Variants in ARHGEF2 observed in about 807,000 individuals in gnomAD.
ARHGEF2 encodes rho guanine nucleotide exchange factor 2.
Under a neutral mutation model 121.0 loss-of-function variants are expected in ARHGEF2, and 22 were observed. The ratio of observed to expected loss-of-function variants is 0.18; its 90% CI spans 0.13 to 0.26. The LOEUF is 0.26. Ranked by LOEUF, ARHGEF2 falls within the 10% of genes least tolerant of loss-of-function variation. The pLI, the probability that ARHGEF2 is intolerant of heterozygous loss-of-function variation, is 1.00. For synonymous variants in ARHGEF2, 487 were observed against 530.0 expected (o/e 0.92, Z 1.11); for missense variants, 907 against 1,336.0 (o/e 0.68, Z 5.01).
Position 155,950,494 on chromosome 1 carries a change from G to C in ARHGEF2, c.2704-12C>G. ...GTGCCTCGGCTGGGCTGTGGACAGT[G>C]GGCAGGAAGAACAGCAGGTCAGGGA... On this transcript the variant is annotated splice_polypyrimidine_tract_variant and intron_variant, in intron 20 of 21. Transcript: ENST00000361247. The surrounding 1 kb of genome is among the most constrained non-coding windows in gnomAD (Gnocchi z 5.2). 6.2e-7 allele frequency: 1 copy of C among 1,612,540 alleles called. No individual in the cohort carries two copies. Among genetic ancestry groups the C allele is most frequent in the Non-Finnish European group, 8.5e-7 (1 of 1,179,508 alleles).
intron 14 of ARHGEF2, among the ~76,000 whole-genome samples, chr1:155,954,577 C>A (rs944893986): frequency 1.4e-5 from 2 of 139,348 alleles, no homozygotes; most frequent in African/African-American, 2.5e-5. Flanking sequence ...CGTGAGCCAC[C>A]GCGCCCGGCC....
Position 155,965,871 on chromosome 1 carries a change from C to A in ARHGEF2, c.341-111G>T, listed in dbSNP as rs1268908895. The A allele has an allele frequency of 8.5e-6, 11 of 1,300,264 alleles. No individual in the cohort carries two copies. The highest frequency in any genetic ancestry group is 7.5e-5 in the African/African-American group (5 of 66,768). 80.5% of individuals were successfully genotyped at this position (1,300,264 alleles called of 1,614,324 possible). On this transcript the variant is annotated intron_variant, in intron 4 of 21. Coordinates refer to ENST00000361247, the MANE Select transcript of ARHGEF2 (RefSeq NM_001162383.2). The surrounding 1 kb of genome is among the most constrained non-coding windows in gnomAD (Gnocchi z 6.0). ...GAGGCATCCTCTCACTCCACCTCAG[C>A]CCCTCTAGTCAAGAAAGATGGTAAT...
chr1:155,973,168 A>G (rs561595715), intron 1 of ARHGEF2, among the ~76,000 whole-genome samples: 54 of 152,326 alleles, frequency 3.5e-4, no homozygotes, highest in African/African-American at 1.3e-3. Flanking sequence ...AAAATGAAAG[A>G]AAAGGAAGGA....
chr1:155,962,017 G>A lies in ARHGEF2; in HGVS notation c.1219+88C>T, dbSNP rs529027367. ...AGAGGCTGCCCAGGGTTTCACACCC[G>A]ACCCCACCCTTCCTGTGGTCATACC... On this transcript the variant is annotated intron_variant, in intron 10 of 21. Coordinates refer to ENST00000361247, the MANE Select transcript of ARHGEF2 (RefSeq NM_001162383.2). This position sits in a 1 kb window ranked among gnomAD's most constrained non-coding sequence, Gnocchi z 5.8. The A allele has an allele frequency of 9.4e-6, 15 of 1,601,022 alleles. No homozygotes were observed. In the African/African-American group the frequency reaches 1.6e-4, roughly 17 times the overall value.
At chr1:155,968,284 C>T (rs552178973) in intron 2 of ARHGEF2, 3 of 151,692 alleles carry the variant, frequency 2.0e-5, no homozygotes, top group African/African-American at 4.8e-5. Flanking sequence ...GAAGGGGACC[C>T]GAGCGGGTTG....
chr1:155,967,838 A>G (rs1006621562), intron 2 of ARHGEF2, among the ~76,000 whole-genome samples: 2 of 151,956 alleles, frequency 1.3e-5, no homozygotes, highest in African/African-American at 4.8e-5. Flanking sequence ...TCCCCCATCC[A>G]ACAACACCGG....
At chr1:155,972,818 C>T (rs1680704094) in intron 1 of ARHGEF2, among the ~76,000 whole-genome samples, 1 of 151,896 alleles carries the variant, frequency 6.6e-6, no homozygotes, top group African/African-American at 2.4e-5. Context: ...CCTTCCACCT[C>T]AGCCCTCCAA....
chr1:155,959,465 C>G (rs1383231328), intron 11 of ARHGEF2, among the ~76,000 whole-genome samples: 4 of 152,138 alleles, frequency 2.6e-5, no homozygotes, highest in Non-Finnish European at 1.5e-5. Context: ...CCAGGCTGGT[C>G]TCTAACTCCT....
chr1:155,952,368 A>G (rs1675666226), intron 15 of ARHGEF2, 133 bp from the exon 16 acceptor site: 12 of 1,321,130 alleles, frequency 9.1e-6, no homozygotes, highest in South Asian at 5.4e-5. Context: ...TTTCACTCAC[A>G]CAACCACTGA....
intron 1 of ARHGEF2, chr1:155,970,941 T>A: frequency 3.0e-6 from 3 of 986,522 alleles, no homozygotes; most frequent in Non-Finnish European, 3.6e-6. Flanking sequence ...CATCCATTTT[T>A]CGCATCCTCC....
chr1:155,964,915 A>G, intron 7 of ARHGEF2, 73 bp downstream of exon 7: 1 of 1,499,956 alleles, frequency 6.7e-7, no homozygotes, highest in Non-Finnish European at 8.9e-7. Flanking sequence ...AAAAAGAAAA[A>G]GAAAAATAAA....
rs1339358934 is a variant in ARHGEF2, at chr1:155,954,955, T to A, written c.1730A>T (p.Glu577Val). Residue 577 changes from glutamate (E) to valine (V), a missense_variant, in exon 14 of 22, where the codon GAG (glutamate) becomes GTG (valine). Physicochemically the swap from Glu to Val is moderately radical, Grantham distance 121. Around this residue, in one of 2 missense-constraint regions of ARHGEF2, gnomAD observed 432 missense variants for 559.5 expected, o/e 0.77. Coordinates refer to ENST00000361247, the MANE Select transcript of ARHGEF2 (RefSeq NM_001162383.2). Reference sequence around the variant, plus strand: ...CTCTGTCTCAATCAGGGGGAAGTCCTCCCTGGATGGGCATCTGGAGGGGTA... The same window carrying A: ...CTCTGTCTCAATCAGGGGGAAGTCCACCCTGGATGGGCATCTGGAGGGGTA... ...QQSVRTCPSR[E>V]DFPLIETEDE... 4 of 1,611,556 alleles carry A rather than the reference T, an allele frequency of 2.5e-6. No homozygotes were observed. Among genetic ancestry groups the A allele is most frequent in the Non-Finnish European group, 3.4e-6 (4 of 1,178,886 alleles).
chr1:155,961,596 C>G lies in ARHGEF2; in HGVS notation c.1468+65G>C. On this transcript the variant is annotated intron_variant, in intron 11 of 21. Transcript: ENST00000361247. The surrounding 1 kb of genome is among the most constrained non-coding windows in gnomAD (Gnocchi z 4.7). ...GGCCAAGAGAGGTTGATTCTAAGAC[C>G]TGCAGGCATCTCCCACTCTCCATCT... The G allele has an allele frequency of 1.3e-6, 2 of 1,567,070 alleles. No individual in the cohort carries two copies. Among genetic ancestry groups the G allele is most frequent in the Non-Finnish European group, 1.7e-6 (2 of 1,158,856 alleles).
intron 1 of ARHGEF2, among the ~76,000 whole-genome samples, chr1:155,977,646 A>T (rs2102700287): frequency 6.6e-6 from 1 of 152,320 alleles, no homozygotes; most frequent in South Asian, 2.1e-4. Flanking sequence ...TGTTCCAGGC[A>T]GAAGGGCTCA....
chr1:155,979,097 A>G (rs2102704390), upstream of ARHGEF2: 2 of 985,698 alleles, frequency 2.0e-6, no homozygotes, highest in Non-Finnish European at 2.4e-6. Flanking sequence ...TAAACGCTGG[A>G]TCTTCAGTAC....
In ARHGEF2 at chr1:155,950,894, C is replaced by G; in HGVS notation, c.2638G>C (p.Val880Leu). 6.3e-7 allele frequency: 1 copy of G among 1,581,218 alleles called. No individual in the cohort carries two copies. The highest frequency in any genetic ancestry group is 8.6e-7 in the Non-Finnish European group (1 of 1,164,006). Residue 880 changes from valine (V) to leucine (L), a missense_variant, in exon 20 of 22, where the codon GTG becomes CTG. Physicochemically the swap from Val to Leu is conservative, Grantham distance 32. Coordinates refer to ENST00000361247, the MANE Select transcript of ARHGEF2 (RefSeq NM_001162383.2). This position sits in a 1 kb window ranked among gnomAD's most constrained non-coding sequence, Gnocchi z 5.2. The part of the protein sequence containing the change: ...PAEAPWARRP[V>L]DPRRRSLPAG... ...GGGAGGCTGCGCCGCCGAGGATCCA[C>G]AGGTCTGCGGGCCCAGGGGGCCTCA...
intron 11 of ARHGEF2, among the ~76,000 whole-genome samples, chr1:155,958,792 G>A (rs1419998029): frequency 6.6e-6 from 1 of 151,076 alleles, no homozygotes; most frequent in African/African-American, 2.4e-5. Context: ...TGGTCAGGCT[G>A]GTCTCAAACT....
chr1:155,952,897 C>A, intron 14 of ARHGEF2, 69 bp from the exon 15 acceptor site: 7 of 1,482,646 alleles, frequency 4.7e-6, no homozygotes, highest in Non-Finnish European at 6.6e-6. Context: ...TAGAGGACAG[C>A]CCTAGGGGAG....
In ARHGEF2 at chr1:155,965,415, GAAGA is replaced by G; in HGVS notation, c.471-7_471-4del. 6.2e-7 allele frequency: 1 copy of G among 1,613,650 alleles called. No homozygotes were observed. The highest frequency in any genetic ancestry group is 8.5e-7 in the Non-Finnish European group (1 of 1,179,538). On this transcript the variant is annotated splice_polypyrimidine_tract_variant and splice_region_variant and intron_variant, in intron 5 of 21. Coordinates refer to ENST00000361247, the MANE Select transcript of ARHGEF2 (RefSeq NM_001162383.2). The surrounding 1 kb of genome is among the most constrained non-coding windows in gnomAD (Gnocchi z 6.0). ...GGGGAGACTCATCATTGAAATGTCT[GAAGA>G]AAGTGGAGGCTGTCTGCATCACCCC...
Sources: allele counts gnomAD v4.1 joint callset (sites outside exome capture counted in the v4.1 genomes callset), GRCh38; gene constraint gnomAD v4.1.1; regional missense constraint gnomAD v4.1.1; non-coding constraint Gnocchi (gnomAD v3.1); transcripts MANE v1.5; gene names NCBI Gene and HGNC (gene_info 2026-07-23, HGNC 2026-07-21).